Variants in HERC3 observed in about 807,000 individuals in gnomAD.
HERC3 encodes the protein probable E3 ubiquitin-protein ligase HERC3.
HERC3 carries 58 observed loss-of-function variants against 129.9 expected under a neutral mutation model. The ratio of observed to expected loss-of-function variants is 0.45; its 90% CI spans 0.36 to 0.56. The LOEUF is 0.56. Among genes scored for constraint, HERC3 ranks in the 20% least tolerant of loss-of-function variants. The pLI is 0.00. For missense variants in HERC3, 835 were observed against 1,244.2 expected (o/e 0.67, Z 4.95); for synonymous variants, 430 against 451.0 (o/e 0.95, Z 0.59).
rs190486370 is a variant in HERC3 at position 88,603,268 on chromosome 4, C to T, written c.-29-2527C>T. On this transcript the variant is annotated intron_variant, in intron 2 of 25. Transcript: ENST00000402738. ...TGTTGCCCAGGCTGGAGTGCAGTGGCGCCATCTTGGCTCACTGCAACCTCT... is the reference window on the plus strand; with the variant it reads ...TGTTGCCCAGGCTGGAGTGCAGTGGTGCCATCTTGGCTCACTGCAACCTCT... 6.5e-4 allele frequency among the ~76,000 whole-genome samples: 95 copies of T among 145,274 alleles called. No individual in the cohort carries two copies. The East Asian group carries it at 8.7e-3, about 13-fold the overall frequency.
the HERC3 span, chr4:88,524,920 G>A: frequency 6.6e-6 from 1 of 151,752 alleles, no homozygotes; most frequent in Non-Finnish European, 1.5e-5. Flanking sequence ...CCAAAAATAT[G>A]TTTATATTTT....
At chr4:88,608,162 T>C (rs1560670084) in intron 3 of HERC3, among the ~76,000 whole-genome samples, 2 of 152,188 alleles carry the variant, frequency 1.3e-5, no homozygotes, top group African/African-American at 2.4e-5. Flanking sequence ...CTGCCCAAAA[T>C]GTCAGTGTAA....
chr4:88,523,843 G>T, the HERC3 span: 1 of 797,344 alleles, frequency 1.3e-6, no homozygotes, highest in Non-Finnish European at 1.8e-6. Context: ...CGGGGCGGGC[G>T]CTTTGGTTCC....
intron 3 of HERC3, among the ~76,000 whole-genome samples, chr4:88,629,953 T>G (rs1726554426): frequency 6.6e-6 from 1 of 152,192 alleles, no homozygotes; most frequent in Admixed American, 6.5e-5. Flanking sequence ...TTTTTATTCT[T>G]TTTTAGGTCA....
At chr4:88,699,447 C>G (rs1033660447) in intron 23 of HERC3, among the ~76,000 whole-genome samples, 1 of 143,704 alleles carries the variant, frequency 7.0e-6, no homozygotes, top group African/African-American at 2.7e-5. Flanking sequence ...TCTTCTTTAC[C>G]CTGCTCACCA....
At chr4:88,607,031 A>G (rs146873190) in intron 3 of HERC3, among the ~76,000 whole-genome samples, 255 of 152,270 alleles carry the variant, frequency 1.7e-3, no homozygotes, top group African/African-American at 5.9e-3. Flanking sequence ...GGAGGGATGA[A>G]TGAGATATGG....
At chr4:88,697,901 GC>G (rs141482051) in intron 23 of HERC3, 74,455 of 1,105,018 alleles carry the variant, frequency 0.067, 3,135 homozygotes, top group Non-Finnish European at 0.079. Context: ...TCCTGCTTTC[GC>G]GGCACTTGAC....
At chr4:88,697,223 C>T (rs2149339483) in intron 23 of HERC3, 2 of 1,520,646 alleles carry the variant, frequency 1.3e-6, no homozygotes, top group East Asian at 4.6e-5. Context: ...TTGGCGTCAT[C>T]AGGCATCTCG....
intron 3 of HERC3, among the ~76,000 whole-genome samples, chr4:88,649,073 T>G (rs1163026232): frequency 6.6e-6 from 1 of 152,180 alleles, no homozygotes; most frequent in Non-Finnish European, 1.5e-5. Flanking sequence ...CATGATCTGT[T>G]TTTTCAGAGT....
intron 2 of HERC3, among the ~76,000 whole-genome samples, chr4:88,598,396 A>G (rs1178104983): frequency 1.3e-5 from 2 of 152,156 alleles, no homozygotes; most frequent in Non-Finnish European, 2.9e-5. Flanking sequence ...ATCAACCTCA[A>G]ATCCCTTTCA....
chr4:88,570,607 C>A, the HERC3 span, among the ~76,000 whole-genome samples: 1 of 152,040 alleles, frequency 6.6e-6, no homozygotes, highest in Non-Finnish European at 1.5e-5. Flanking sequence ...AGTGATTAGT[C>A]CAGATATGGC....
At chr4:88,637,813 G>T (rs1449674472) in intron 3 of HERC3, among the ~76,000 whole-genome samples, 4 of 152,098 alleles carry the variant, frequency 2.6e-5, no homozygotes, top group South Asian at 2.1e-4. Flanking sequence ...CCAGGAGCTG[G>T]TTTTTTGAAA....
chr4:88,662,629 T>C, intron 11 of HERC3, 74 bp downstream of exon 11: 1 of 1,431,402 alleles, frequency 7.0e-7, no homozygotes, highest in Admixed American at 2.0e-5. Flanking sequence ...TGATTTTCCG[T>C]ACTTGCATAT....
rs1306255400 is a variant in HERC3, at chr4:88,605,783, ACT to A, written c.-29-6_-29-5del. The A allele has an allele frequency of 2.0e-6, 3 of 1,491,146 alleles. No homozygotes were observed. Among genetic ancestry groups the A allele is most frequent in the Non-Finnish European group, 2.8e-6 (3 of 1,083,854 alleles). The allele number at this position is 1,491,146 out of a possible 1,614,324, so 92.4% of individuals were successfully genotyped here. A position where few individuals can be genotyped will look rare whatever the true frequency, so the allele number is the denominator to read the frequency against. On this transcript the variant is annotated splice_polypyrimidine_tract_variant and intron_variant, in intron 2 of 25. Coordinates refer to ENST00000402738, the MANE Select transcript of HERC3 (RefSeq NM_014606.3). The stretch of plus-strand genomic sequence containing the variant: ...TTTAATTAAAAAATAATTTTTTTAA[ACT>A]CTCTCCTAGGCTACATGATTCCCTG...
At chr4:88,648,037 G>C (rs1174888147) in intron 3 of HERC3, among the ~76,000 whole-genome samples, 1 of 151,962 alleles carries the variant, frequency 6.6e-6, no homozygotes, top group Non-Finnish European at 1.5e-5. Context: ...ACTATGGAAA[G>C]TATTTTTGTT....
chr4:88,704,444 T>C (rs1256364752), intron 24 of HERC3, 64 bp from the exon 25 acceptor site: 17 of 1,257,646 alleles, frequency 1.4e-5, no homozygotes, highest in Non-Finnish European at 1.6e-5. Flanking sequence ...ATGCAAATGA[T>C]ATATAATGTC....
chr4:88,692,294 A>G (rs538608669), intron 23 of HERC3, among the ~76,000 whole-genome samples: 2 of 132,272 alleles, frequency 1.5e-5, no homozygotes, highest in East Asian at 5.1e-4. Context: ...ATTAAATGCA[A>G]TTGCTGTCTT....
intron 2 of HERC3, among the ~76,000 whole-genome samples, chr4:88,596,040 G>A (rs374841188): frequency 6.6e-6 from 1 of 151,630 alleles, no homozygotes; most frequent in Non-Finnish European, 1.5e-5. Context: ...TAGTAGAGAC[G>A]GGGTTTCACT....
the HERC3 span, among the ~76,000 whole-genome samples, chr4:88,555,830 A>AATT: frequency 6.6e-6 from 1 of 152,188 alleles, no homozygotes; most frequent in African/African-American, 2.4e-5. Flanking sequence ...GAGAGAGGAG[A>AATT]ATTATAGTGA....
Sources: allele counts gnomAD v4.1 joint callset (sites outside exome capture counted in the v4.1 genomes callset), GRCh38; gene constraint gnomAD v4.1.1; transcripts MANE v1.5; gene names NCBI Gene and HGNC (gene_info 2026-07-23, HGNC 2026-07-21).